PHKB: variants seen among roughly 807,000 people sequenced by gnomAD.
The protein encoded by PHKB is phosphorylase kinase regulatory subunit beta.
A neutral mutation model predicts 152.1 loss-of-function variants in PHKB; 122 were observed. The ratio of observed to expected loss-of-function variants is 0.80; its 90% CI spans 0.69 to 0.93. The LOEUF is 0.93. PHKB is among the 40% of genes least tolerant of loss of function. The pLI is 0.00. For synonymous variants in PHKB, 436 were observed against 464.9 expected (o/e 0.94, Z 0.80); for missense variants, 1,304 against 1,328.4 (o/e 0.98, Z 0.29).
At chr16:47,621,594 TAAC>T (rs1597130239) in intron 14 of PHKB, among the ~76,000 whole-genome samples, 3 of 152,266 alleles carry the variant, frequency 2.0e-5, no homozygotes, top group East Asian at 1.9e-4. Flanking sequence ...GATTAAAAAA[TAAC>T]AACAACAACT....
At chr16:47,696,563 G>C in intron 29 of PHKB, 75 bp downstream of exon 29, 1 of 833,126 alleles carries the variant, frequency 1.2e-6, no homozygotes, top group Non-Finnish European at 2.1e-6. Flanking sequence ...AAGGGAAACT[G>C]CCTATGAGAC....
chr16:47,477,334 G>A (rs1027659369), intron 1 of PHKB, among the ~76,000 whole-genome samples: 3 of 152,160 alleles, frequency 2.0e-5, no homozygotes, highest in African/African-American at 7.2e-5. Context: ...CCTGATACAA[G>A]GCTTGGTGCT....
At chr16:47,524,566 C>T (rs1970735687) in intron 6 of PHKB, among the ~76,000 whole-genome samples, 3 of 152,108 alleles carry the variant, frequency 2.0e-5, no homozygotes, top group Admixed American at 6.5e-5. Flanking sequence ...GTCAGGAGTT[C>T]GAGACCAGCC....
Position 47,685,731 on chromosome 16 carries a change from T to G in PHKB, c.2631-3310T>G, listed in dbSNP as rs552727948. Among the ~76,000 whole-genome samples, 113 of 151,478 alleles carry G rather than the reference T, an allele frequency of 7.5e-4. No homozygotes were observed. In the South Asian group the frequency reaches 0.023, roughly 31 times the overall value. On this transcript the variant is annotated intron_variant, in intron 26 of 30. Coordinates refer to ENST00000323584, the MANE Select transcript of PHKB (RefSeq NM_000293.3). The stretch of plus-strand genomic sequence containing the variant: ...CAACAATTTTAATGAATAAATGTGG[T>G]TTTTTTTCTTTTTCTTTTTTTTTTT...
chr16:47,516,222 G>A (rs1027077135), intron 6 of PHKB, among the ~76,000 whole-genome samples: 9 of 151,974 alleles, frequency 5.9e-5, no homozygotes, highest in Admixed American at 1.3e-4. Context: ...CACCGTGCCC[G>A]GCCTCTTTCT....
chr16:47,598,959 A>G (rs74875007), intron 13 of PHKB: 1 of 1,400,216 alleles, frequency 7.1e-7, no homozygotes, highest in East Asian at 2.3e-5. Context: ...TATTGCACAC[A>G]GCCAATCCCA....
At position 47,700,880 on chromosome 16, in the gene PHKB, T is replaced by C. The variant is rs946999567; in HGVS notation, c.*1514T>C. ...GGATGTGTGAGCACATGGAAAAATCTGCTGTCAGTCACATTTCTCATAACA... is the reference window on the plus strand; with the variant it reads ...GGATGTGTGAGCACATGGAAAAATCCGCTGTCAGTCACATTTCTCATAACA... On this transcript the variant is annotated 3_prime_UTR_variant, in exon 31 of 31. Coordinates refer to ENST00000323584, the MANE Select transcript of PHKB (RefSeq NM_000293.3). 6.6e-6 allele frequency: 1 copy of C among 152,198 alleles called. No individual in the cohort carries two copies. The highest frequency in any genetic ancestry group is 1.5e-5 in the Non-Finnish European group (1 of 68,026). The allele number at this position is 152,198 out of a possible 1,614,324, so 9.4% of individuals were successfully genotyped here. A position where few individuals can be genotyped will look rare whatever the true frequency, so the allele number is the denominator to read the frequency against.
intron 13 of PHKB, among the ~76,000 whole-genome samples, chr16:47,601,486 A>G (rs1972225203): frequency 1.3e-5 from 2 of 152,046 alleles, no homozygotes; most frequent in African/African-American, 4.8e-5. Flanking sequence ...CAGGCGGATC[A>G]TGAGGTCAGG....
At chr16:47,616,351 C>A (rs563159028) in intron 14 of PHKB, among the ~76,000 whole-genome samples, 1 of 151,246 alleles carries the variant, frequency 6.6e-6, no homozygotes. Flanking sequence ...ATTTTATATA[C>A]GGTGTGAGGC....
chr16:47,480,750 G>A (rs1311776109), intron 1 of PHKB, among the ~76,000 whole-genome samples: 1 of 152,000 alleles, frequency 6.6e-6, no homozygotes, highest in Non-Finnish European at 1.5e-5. Flanking sequence ...GCAAATTAAA[G>A]TACTGCAAAA....
chr16:47,601,434 G>A (rs1330499790), intron 13 of PHKB, among the ~76,000 whole-genome samples: 2 of 152,050 alleles, frequency 1.3e-5, no homozygotes, highest in Non-Finnish European at 2.9e-5. Flanking sequence ...GGCCAGGTGT[G>A]GTGGCTCATG....
At position 47,660,508 on chromosome 16, in the gene PHKB, A is replaced by G; in HGVS notation, c.1974A>G (p.Thr658=). The change falls in exon 21 of 31, where the codon ACA becomes ACG. Residue 658 remains threonine, a splice_region_variant and synonymous_variant. Transcript: ENST00000323584. The part of the protein sequence containing the change: ...GVKVHVDRLQ[T]LISGAVVEQL... ...AATCTTTTTCGATCACGTTTCAGAC[A>G]CTAATATCTGGAGCTGTGGTAGAAC... The G allele has an allele frequency of 6.2e-7, 1 of 1,612,728 alleles. No homozygotes were observed. The highest frequency in any genetic ancestry group is 8.5e-7 in the Non-Finnish European group (1 of 1,178,754).
At chr16:47,615,410 T>TGGCTC (rs1972497983) in intron 14 of PHKB, among the ~76,000 whole-genome samples, 1 of 152,224 alleles carries the variant, frequency 6.6e-6, no homozygotes, top group South Asian at 2.1e-4. Context: ...GAGGTTGGGT[T>TGGCTC]GGCTCACCAG....
chr16:47,657,913 CTATTA>C (rs1205058940), intron 20 of PHKB, among the ~76,000 whole-genome samples: 1 of 152,186 alleles, frequency 6.6e-6, no homozygotes, highest in African/African-American at 2.4e-5. Flanking sequence ...ACCTTCAGTG[CTATTA>C]TCATGGTCCA....
intron 14 of PHKB, among the ~76,000 whole-genome samples, chr16:47,627,892 G>T (rs1409719994): frequency 6.6e-6 from 1 of 152,128 alleles, no homozygotes; most frequent in Non-Finnish European, 1.5e-5. Flanking sequence ...GAAAAATACT[G>T]GGGGTGCAGT....
intron 13 of PHKB, 131 bp downstream of exon 13, chr16:47,596,662 C>G (rs1447849712): frequency 3.9e-6 from 3 of 769,248 alleles, no homozygotes. Flanking sequence ...TAGGGAGTTT[C>G]CTAGTATCTA....
At chr16:47,623,546 TG>T (rs1447054833) in intron 14 of PHKB, among the ~76,000 whole-genome samples, 5 of 150,634 alleles carry the variant, frequency 3.3e-5, no homozygotes, top group African/African-American at 1.2e-4. Flanking sequence ...CTCCATATAT[TG>T]ACAGTTTTGA....
rs1415949479 is a variant in PHKB, at chr16:47,609,615, G to GT, written c.1364-1208dup. ...CACTTTATGTACTTTTTACCAAGCT[G>GT]TTTAGATTTTCTATTCCTTCTTGAG... On this transcript the variant is annotated intron_variant, in intron 13 of 30. Transcript: ENST00000323584. Among the ~76,000 whole-genome samples, 15 of 152,022 alleles carry GT rather than the reference G, an allele frequency of 9.9e-5. No individual in the cohort carries two copies. In the East Asian group the frequency reaches 2.9e-3, roughly 29 times the overall value.
intron 1 of PHKB, among the ~76,000 whole-genome samples, chr16:47,490,973 G>A (rs552102185): frequency 1.3e-5 from 2 of 152,076 alleles, no homozygotes; most frequent in African/African-American, 4.8e-5. Flanking sequence ...TTTAACCCTA[G>A]CCAATACTTT....
Sources: gnomAD v4.1 joint callset for allele counts (sites outside exome capture counted in the v4.1 genomes callset) on GRCh38, gnomAD v4.1.1 for gene constraint, MANE v1.5 for transcripts, NCBI Gene and HGNC (gene_info 2026-07-23, HGNC 2026-07-21) for gene names.